The following POMGNT1 variants were observed in gnomAD, a reference collection of about 807,000 sequenced individuals.
The protein encoded by POMGNT1 is protein O-linked-mannose beta-1,2-N-acetylglucosaminyltransferase 1.
A neutral mutation model predicts 95.6 loss-of-function variants in POMGNT1; 67 were observed. The observed-to-expected ratio is 0.70, with a 90% CI of 0.58 to 0.86. The LOEUF (loss-of-function observed/expected upper bound fraction) is 0.86. Ranked by LOEUF, POMGNT1 falls within the 40% of genes least tolerant of loss-of-function variation. The pLI is 0.00. For missense variants in POMGNT1, 719 were observed against 855.2 expected, an observed-to-expected ratio of 0.84 and a Z score of 1.99; for synonymous variants, 298 against 317.9, an observed-to-expected ratio of 0.94 and a Z score of 0.66.
rs1272521516 is a variant in POMGNT1 at position 46,196,256 on chromosome 1, C to T, written c.355-179G>A. 6.6e-6 allele frequency among the ~76,000 whole-genome samples: 1 copy of T among 152,224 alleles called. No homozygotes were observed. The highest frequency in any genetic ancestry group is 6.5e-5 in the Admixed American group (1 of 15,290). On this transcript the variant is annotated intron_variant, in intron 4 of 21. Transcript: ENST00000371984. The surrounding 1 kb of genome is among the most constrained non-coding windows in gnomAD (Gnocchi z 4.4). ...TCTTCCAGAAAGCCTCTATAGCACT[C>T]CCATCAGAAGAGATCACGTCTTTCT...
intron 1 of POMGNT1, among the ~76,000 whole-genome samples, chr1:46,208,334 A>T (rs1390030030): frequency 6.6e-6 from 1 of 152,132 alleles, no homozygotes; most frequent in Non-Finnish European, 1.5e-5. Context: ...GTCTTATCTT[A>T]CCCACTAGAT....
Position 46,196,341 on chromosome 1 carries a change from C to G in POMGNT1, c.355-264G>C, listed in dbSNP as rs554109892. Among the ~76,000 whole-genome samples, 3 of 152,350 alleles carry G rather than the reference C, an allele frequency of 2.0e-5. No homozygotes were observed. In the South Asian group the frequency reaches 6.2e-4, roughly 32 times the overall value. ...GAGCCTCTGCTGTCTCTGCTTCATCCTGGAAGTATCACAATCCTCCACCAC... is the reference window on the plus strand; with the variant it reads ...GAGCCTCTGCTGTCTCTGCTTCATCGTGGAAGTATCACAATCCTCCACCAC... On this transcript the variant is annotated intron_variant, in intron 4 of 21. Transcript: ENST00000371984. The surrounding 1 kb of genome is among the most constrained non-coding windows in gnomAD (Gnocchi z 4.4).
At chr1:46,203,289 C>T, upstream of POMGNT1, 1 of 542,946 alleles carries the variant, frequency 1.8e-6, no homozygotes, top group South Asian at 3.4e-5. Context: ...CTGAGTGTTA[C>T]GGCGCCCTCC....
intron 7 of POMGNT1, 29 bp downstream of exon 7, chr1:46,194,815 A>G (rs746360001): frequency 9.9e-6 from 16 of 1,613,528 alleles, no homozygotes; most frequent in African/African-American, 1.3e-5. Context: ...TCTTGATACT[A>G]CAGAGTGGAT....
At chr1:46,192,685 C>T (rs900662760) in intron 14 of POMGNT1, 95 bp from the exon 15 acceptor site, 15 of 1,600,820 alleles carry the variant, frequency 9.4e-6, no homozygotes, top group Non-Finnish European at 1.3e-5. Flanking sequence ...CTCAGGAGCA[C>T]CTCCTTCCTG....
intron 1 of POMGNT1, among the ~76,000 whole-genome samples, chr1:46,203,942 AAATTCCCCCCG>A (rs1658630735): frequency 6.6e-6 from 1 of 152,090 alleles, no homozygotes; most frequent in Non-Finnish European, 1.5e-5. Flanking sequence ...AACGCAGCAC[AAATTCCCCCCG>A]CCTGTATGGG....
upstream of POMGNT1, chr1:46,203,419 G>C: frequency 6.9e-7 from 1 of 1,451,358 alleles, no homozygotes; most frequent in Non-Finnish European, 9.1e-7. Context: ...TTTCAGGCTT[G>C]GGCCCGCATG....
chr1:46,191,770 G>A (rs975119533), intron 17 of POMGNT1: 2 of 357,482 alleles, frequency 5.6e-6, no homozygotes, highest in East Asian at 7.3e-5. Context: ...AAGTAGCTGG[G>A]ACTACAGGCG....
Position 46,194,068 on chromosome 1 carries a change from C to CCA in POMGNT1, c.880-145_880-144dup, listed in dbSNP as rs1161561733. 3.9e-6 allele frequency: 6 copies of CCA among 1,540,018 alleles called. No homozygotes were observed. In the African/African-American group the frequency reaches 8.2e-5, roughly 21 times the overall value. ...GAGGATCTTCCCTGTTCTGGGCTCT[C>CCA]CACACACTCAGCCCAACTCTAGCGC... On this transcript the variant is annotated intron_variant, in intron 9 of 21. Transcript: ENST00000371984.
At chr1:46,204,335 T>C (rs1658645973) in intron 1 of POMGNT1, among the ~76,000 whole-genome samples, 1 of 152,166 alleles carries the variant, frequency 6.6e-6, no homozygotes, top group South Asian at 2.1e-4. Flanking sequence ...AACCCTCCCC[T>C]TTCTCTATTG....
In POMGNT1 at chr1:46,208,421, A is replaced by G. The variant is rs116363636; in HGVS notation, c.-50-10550T>C. Among the ~76,000 whole-genome samples the G allele has an allele frequency of 1.9e-3, 295 of 152,344 alleles. 1 individual carries two copies. The highest frequency in any genetic ancestry group is 7.0e-3 in the African/African-American group (291 of 41,586). ...TAGTGCCACACCAATAAGAAACAAT[A>G]AATATTGGTTCCATAACTGAATGGA... is the stretch of plus-strand genomic sequence containing the variant. On this transcript the variant is annotated intron_variant, in intron 1 of 22. Transcript: ENST00000371992.
chr1:46,219,418 C>G (rs1252525000), intron 1 of POMGNT1, among the ~76,000 whole-genome samples: 5 of 152,188 alleles, frequency 3.3e-5, no homozygotes, highest in African/African-American at 9.6e-5. Flanking sequence ...ACTTAATAGA[C>G]AGCATTTCAG....
intron 1 of POMGNT1, among the ~76,000 whole-genome samples, chr1:46,210,431 C>A (rs1053583902): frequency 6.6e-6 from 1 of 152,168 alleles, no homozygotes; most frequent in Non-Finnish European, 1.5e-5. Flanking sequence ...ACTCTGTCTA[C>A]CTGGAGACAG....
At chr1:46,208,453 C>T (rs1658788626) in intron 1 of POMGNT1, among the ~76,000 whole-genome samples, 1 of 152,134 alleles carries the variant, frequency 6.6e-6, no homozygotes, top group African/African-American at 2.4e-5. Context: ...TGGATTAATT[C>T]CATCTCGAGG....
intron 19 of POMGNT1, 188 bp from the exon 20 acceptor site, chr1:46,190,177 T>C (rs868611107): frequency 1.4e-5 from 10 of 738,034 alleles, no homozygotes; most frequent in Non-Finnish European, 1.9e-5. Context: ...CCCAAGTAGC[T>C]GGGACTACAG....
In POMGNT1 at chr1:46,192,307, C is replaced by G. The variant is rs587777821; in HGVS notation, c.1413+1G>C. On this transcript the variant is annotated splice_donor_variant, in intron 16 of 21. Transcript: ENST00000371984. LOFTEE classifies it high-confidence loss of function. Reference sequence around the variant, plus strand: ...CCCCCTCACCCTACCCTGACAGTTACCTTTTCCGGTGTAGGCCACTTGGGC... The same window carrying G: ...CCCCCTCACCCTACCCTGACAGTTAGCTTTTCCGGTGTAGGCCACTTGGGC... 5 of 1,614,154 alleles carry G rather than the reference C, an allele frequency of 3.1e-6. No homozygotes were observed. In the South Asian group the frequency reaches 5.5e-5, roughly 18 times the overall value.
At chr1:46,190,855 G>A in intron 17 of POMGNT1, 71 bp from the exon 18 acceptor site, 1 of 1,405,384 alleles carries the variant, frequency 7.1e-7, no homozygotes, top group Non-Finnish European at 1.0e-6. Flanking sequence ...TGACCAGCCA[G>A]ACATCTATAA....
At chr1:46,203,330 C>G, upstream of POMGNT1, 2 of 1,136,986 alleles carry the variant, frequency 1.8e-6, no homozygotes, top group Non-Finnish European at 1.2e-6. Context: ...GGCGGGGACC[C>G]ACCGGTTTTG....
intron 13 of POMGNT1, 98 bp from the exon 14 acceptor site, chr1:46,193,056 T>C: frequency 1.2e-6 from 2 of 1,603,398 alleles, no homozygotes; most frequent in Admixed American, 1.7e-5. Flanking sequence ...ATTACCCCCA[T>C]TTTCCAGATG....
Sources: allele counts gnomAD v4.1 joint callset (sites outside exome capture counted in the v4.1 genomes callset), GRCh38; gene constraint gnomAD v4.1.1; non-coding constraint Gnocchi (gnomAD v3.1); transcripts MANE v1.5; gene names NCBI Gene and HGNC (gene_info 2026-07-23, HGNC 2026-07-21).